Variants in SNTG1 observed in about 807,000 individuals in gnomAD.
SNTG1 encodes the protein syntrophin gamma 1.
SNTG1 carries 39 observed loss-of-function variants against 74.7 expected under a neutral mutation model. That is an observed-to-expected ratio of 0.52 (90% CI 0.40 to 0.68). SNTG1 has a LOEUF of 0.68. Ranked by LOEUF, SNTG1 falls within the 30% of genes least tolerant of loss-of-function variation. SNTG1 has a pLI of 0.00. For synonymous variants in SNTG1, 254 were observed against 217.1 expected (o/e 1.17, Z -1.49); for missense variants, 685 against 609.5 (o/e 1.12, Z -1.30).
At chr8:50,004,948 T>C (rs1437341606) in intron 1 of SNTG1, among the ~76,000 whole-genome samples, 1 of 152,190 alleles carries the variant, frequency 6.6e-6, no homozygotes, top group Non-Finnish European at 1.5e-5. Flanking sequence ...AAACTGCGCA[T>C]GAAACCTCCC....
intron 17 of SNTG1, among the ~76,000 whole-genome samples, chr8:50,721,602 A>C (rs779435225): frequency 2.0e-5 from 3 of 152,178 alleles, no homozygotes; most frequent in Non-Finnish European, 4.4e-5. Flanking sequence ...TTTATTTATA[A>C]TCATGTTCAA....
chr8:50,623,746 T>C (rs1427256567), intron 13 of SNTG1, among the ~76,000 whole-genome samples: 1 of 152,010 alleles, frequency 6.6e-6, no homozygotes, highest in African/African-American at 2.4e-5. Flanking sequence ...AGTTGAAAAA[T>C]ACATACAAAT....
At chr8:50,511,434 C>A (rs911459976) in intron 9 of SNTG1, among the ~76,000 whole-genome samples, 13 of 152,168 alleles carry the variant, frequency 8.5e-5, no homozygotes, top group African/African-American at 3.1e-4. Context: ...ATTAGGTCTG[C>A]TTGGTGCAGA....
chr8:50,470,129 A>T (rs1055953054), intron 8 of SNTG1, among the ~76,000 whole-genome samples: 4 of 152,254 alleles, frequency 2.6e-5, no homozygotes, highest in Admixed American at 1.3e-4. Context: ...GTCCTTGTCT[A>T]GAACAACAAA....
chr8:50,617,472 G>A (rs2094892665), intron 13 of SNTG1, among the ~76,000 whole-genome samples: 1 of 152,010 alleles, frequency 6.6e-6, no homozygotes. Flanking sequence ...AAGCTAAGCT[G>A]AGCTAAGAAA....
At chr8:50,737,350 C>G (rs1311544980) in intron 17 of SNTG1, among the ~76,000 whole-genome samples, 3 of 152,048 alleles carry the variant, frequency 2.0e-5, no homozygotes, top group Non-Finnish European at 1.5e-5. Flanking sequence ...CCTCCTAAGA[C>G]TAAACCAGGA....
intron 13 of SNTG1, among the ~76,000 whole-genome samples, chr8:50,603,210 C>T (rs1292236172): frequency 1.3e-5 from 2 of 152,016 alleles, no homozygotes; most frequent in Non-Finnish European, 2.9e-5. Context: ...ATTTGTTTTT[C>T]CATTGTCTCT....
chr8:49,984,188 A>T (rs1228156967), intron 1 of SNTG1, among the ~76,000 whole-genome samples: 1 of 151,800 alleles, frequency 6.6e-6, no homozygotes. Flanking sequence ...GTCAAATATA[A>T]TTTTTTTATT....
At chr8:50,720,875 T>TA (rs1265314687) in intron 17 of SNTG1, among the ~76,000 whole-genome samples, 1 of 152,238 alleles carries the variant, frequency 6.6e-6, no homozygotes, top group Non-Finnish European at 1.5e-5. Context: ...TTTTGTTTTT[T>TA]ACCTATGTGG....
chr8:50,381,335 A>C (rs1465950665), intron 2 of SNTG1, among the ~76,000 whole-genome samples: 1 of 151,862 alleles, frequency 6.6e-6, no homozygotes, highest in East Asian at 1.9e-4. Context: ...TTCCTGCATC[A>C]TATTTTAGTA....
At position 50,684,224 on chromosome 8, in the gene SNTG1, C is replaced by G. The variant is rs147771336; in HGVS notation, c.1039-20376C>G. Among the ~76,000 whole-genome samples the G allele has an allele frequency of 3.0e-3, 453 of 152,258 alleles. 3 individuals carry two copies. Among genetic ancestry groups the G allele is most frequent in the African/African-American group, 0.011 (438 of 41,556 alleles). ...AGCTATTTCTCTGGAAAACCACATG[C>G]TCTCTGCCTGTGTGTTTTCTAAACA... On this transcript the variant is annotated intron_variant, in intron 15 of 18. Transcript: ENST00000642720.
At chr8:50,670,531 G>A (rs2095275460) in intron 15 of SNTG1, among the ~76,000 whole-genome samples, 1 of 149,990 alleles carries the variant, frequency 6.7e-6, no homozygotes, top group Non-Finnish European at 1.5e-5. Flanking sequence ...CACTTCTCAA[G>A]GAAATGAAAG....
intron 18 of SNTG1, among the ~76,000 whole-genome samples, chr8:50,782,898 T>C (rs2095664014): frequency 6.6e-6 from 1 of 152,212 alleles, no homozygotes; most frequent in East Asian, 1.9e-4. Flanking sequence ...ATGTCCTTTC[T>C]GTTTGTTAGT....
intron 1 of SNTG1, among the ~76,000 whole-genome samples, chr8:50,097,800 A>G (rs1004425544): frequency 5.9e-5 from 9 of 152,202 alleles, no homozygotes; most frequent in Non-Finnish European, 1.0e-4. Flanking sequence ...TTCACCCATC[A>G]TGAGTCTTGG....
intron 9 of SNTG1, among the ~76,000 whole-genome samples, chr8:50,521,070 C>T (rs1369879416): frequency 6.6e-6 from 1 of 152,172 alleles, no homozygotes; most frequent in Admixed American, 6.5e-5. Flanking sequence ...GGCACATATA[C>T]ACCATGGAAT....
At chr8:50,633,071 G>A (rs1298001023) in intron 13 of SNTG1, among the ~76,000 whole-genome samples, 1 of 152,216 alleles carries the variant, frequency 6.6e-6, no homozygotes, top group Non-Finnish European at 1.5e-5. Flanking sequence ...AATTGGATTT[G>A]AGAGCATTCA....
chr8:49,955,738 G>A (rs761951392), intron 1 of SNTG1, among the ~76,000 whole-genome samples: 11 of 152,200 alleles, frequency 7.2e-5, no homozygotes, highest in Non-Finnish European at 1.5e-4. Context: ...TACTAGAGAT[G>A]CTGCCAAACC....
intron 1 of SNTG1, among the ~76,000 whole-genome samples, chr8:50,000,393 G>A (rs1814632642): frequency 6.6e-6 from 1 of 152,082 alleles, no homozygotes; most frequent in Non-Finnish European, 1.5e-5. Context: ...GTGCCTGTGT[G>A]TATTTTGCAA....
At chr8:50,166,960 A>T (rs1229286383) in intron 1 of SNTG1, among the ~76,000 whole-genome samples, 12 of 148,146 alleles carry the variant, frequency 8.1e-5, no homozygotes, top group African/African-American at 3.1e-4. Context: ...TGATGAGTTC[A>T]TGTCCTTTGT....
Sources: gnomAD v4.1 joint callset for allele counts (sites outside exome capture counted in the v4.1 genomes callset) on GRCh38, gnomAD v4.1.1 for gene constraint, MANE v1.5 for transcripts, NCBI Gene and HGNC (gene_info 2026-07-23, HGNC 2026-07-21) for gene names.